Variants in SNAP91 observed in about 807,000 individuals in gnomAD.
The protein encoded by SNAP91 is clathrin coat assembly protein AP180.
A neutral mutation model predicts 100.3 loss-of-function variants in SNAP91; 27 were observed. The ratio of observed to expected loss-of-function variants is 0.27; its 90% confidence interval spans 0.20 to 0.37. The LOEUF (loss-of-function observed/expected upper bound fraction) is 0.37, where lower values mean the gene tolerates loss of function less well. SNAP91 is among the 10% of genes least tolerant of loss of function. The pLI, the probability that SNAP91 is intolerant of heterozygous loss-of-function variation, is 1.00. For missense variants in SNAP91, 986 were observed against 1,123.7 expected, an observed-to-expected ratio of 0.88 and a Z score of 1.75; for synonymous variants, 404 against 398.6, an observed-to-expected ratio of 1.01 and a Z score of -0.16.
chr6:83,578,169 A>C (rs1054656450), intron 24 of SNAP91, among the ~76,000 whole-genome samples: 1 of 152,138 alleles, frequency 6.6e-6, no homozygotes, highest in Non-Finnish European at 1.5e-5. Flanking sequence ...GAATAACAAT[A>C]CTATAAACAT....
rs1315959120 is a variant in SNAP91, at chr6:83,699,342, T to TTC, written c.130+8455_130+8456insGA. 2.0e-5 allele frequency among the ~76,000 whole-genome samples: 3 copies of TTC among 151,852 alleles called. No homozygotes were observed. The East Asian group carries it at 5.8e-4, about 29-fold the overall frequency. On this transcript the variant is annotated intron_variant, in intron 2 of 29. Transcript: ENST00000369694. ...AAAAATGTTAGCAAGAAACATACAT[T>TTC]ATCCAGAAAATGGGCAAATTTGAAA...
chr6:83,643,893 A>T (rs1487352249), intron 7 of SNAP91, among the ~76,000 whole-genome samples: 1 of 152,144 alleles, frequency 6.6e-6, no homozygotes. Context: ...AAAATGACCA[A>T]ATCTAAGGAT....
chr6:83,584,024 C>T (rs189127571), intron 22 of SNAP91, among the ~76,000 whole-genome samples: 3 of 152,238 alleles, frequency 2.0e-5, no homozygotes, highest in South Asian at 2.1e-4. Context: ...CTGAAGAAGA[C>T]GTTCTCTAAA....
intron 7 of SNAP91, among the ~76,000 whole-genome samples, chr6:83,642,910 T>C (rs1018716067): frequency 6.6e-6 from 1 of 152,224 alleles, no homozygotes; most frequent in Non-Finnish European, 1.5e-5. Context: ...TATCTCATTG[T>C]GGTTTTGATT....
intron 14 of SNAP91, 27 bp downstream of exon 14, chr6:83,605,658 A>G: frequency 1.3e-6 from 2 of 1,550,388 alleles, no homozygotes; most frequent in East Asian, 2.4e-5. Context: ...GAATAGAGAA[A>G]TGGCAAGGTT....
intron 5 of SNAP91, 102 bp downstream of exon 5, chr6:83,661,400 C>T (rs769242325): frequency 4.8e-6 from 3 of 628,272 alleles, no homozygotes; most frequent in South Asian, 2.7e-5. Context: ...GTAAACTGGG[C>T]CTTCAAGAAA....
chr6:83,556,837 T>C (rs188534145), intron 28 of SNAP91, among the ~76,000 whole-genome samples: 16 of 152,324 alleles, frequency 1.1e-4, no homozygotes, highest in African/African-American at 3.8e-4. Flanking sequence ...CTTACACTTA[T>C]TAGCTAAATA....
intron 28 of SNAP91, among the ~76,000 whole-genome samples, chr6:83,557,987 T>C (rs1331975619): frequency 6.6e-6 from 1 of 151,926 alleles, no homozygotes; most frequent in Admixed American, 6.6e-5. Context: ...TACATAAATA[T>C]GGTGTATCAT....
chr6:83,671,869 C>T (rs2098792376), intron 2 of SNAP91, among the ~76,000 whole-genome samples: 1 of 151,866 alleles, frequency 6.6e-6, no homozygotes. Flanking sequence ...TATGACAGGG[C>T]CCTTGTTATC....
At chr6:83,570,554 G>C (rs574994660) in intron 26 of SNAP91, among the ~76,000 whole-genome samples, 3 of 125,210 alleles carry the variant, frequency 2.4e-5, no homozygotes, top group African/African-American at 9.7e-5. Context: ...TTTACGGGGT[G>C]GCGGGGGGGG....
intron 12 of SNAP91, 40 bp downstream of exon 12, chr6:83,610,610 A>C: frequency 1.6e-6 from 1 of 610,292 alleles, no homozygotes; most frequent in South Asian, 2.1e-5. Context: ...AATGGTAAAA[A>C]ACAAAAAACA....
At chr6:83,649,986 G>A (rs190385927) in intron 7 of SNAP91, among the ~76,000 whole-genome samples, 259 of 151,952 alleles carry the variant, frequency 1.7e-3, no homozygotes, top group African/African-American at 5.4e-3. Context: ...TTTCCCATGT[G>A]GATATCCAGT....
rs114287939 is a variant in SNAP91 at position 83,621,161 on chromosome 6, T to C, written c.807+2140A>G. 3.1e-3 allele frequency among the ~76,000 whole-genome samples: 465 copies of C among 152,250 alleles called. 2 individuals are homozygous for C. The highest frequency in any genetic ancestry group is 0.011 in the African/African-American group (437 of 41,550). On this transcript the variant is annotated intron_variant, in intron 9 of 29. Coordinates refer to ENST00000369694, the MANE Select transcript of SNAP91 (RefSeq NM_001242792.2). ...TCGGTGTTTGTTGTTCACTTCTGTG[T>C]GTCATATATACTCAATGTTTAGCTC...
intron 22 of SNAP91, among the ~76,000 whole-genome samples, chr6:83,590,652 C>T (rs2324447): frequency 0.37 from 55,540 of 151,892 alleles, 11,091 homozygotes; most frequent in South Asian, 0.5. Flanking sequence ...TCATATATTA[C>T]GAAATCTATT....
intron 8 of SNAP91, among the ~76,000 whole-genome samples, chr6:83,628,586 C>T (rs932980010): frequency 4.6e-5 from 7 of 151,788 alleles, no homozygotes; most frequent in African/African-American, 1.5e-4. Context: ...GGTGGTATCG[C>T]ATTGCAGTTT....
intron 26 of SNAP91, among the ~76,000 whole-genome samples, chr6:83,563,132 G>A (rs1354584485): frequency 6.6e-6 from 1 of 152,124 alleles, no homozygotes; most frequent in Non-Finnish European, 1.5e-5. Context: ...AGACATCTTA[G>A]ACATGAGGCT....
rs1245360913 is a variant in SNAP91, at chr6:83,553,893, T to C, written c.*403A>G. On this transcript the variant is annotated 3_prime_UTR_variant, in exon 30 of 30. Coordinates refer to ENST00000369694, the MANE Select transcript of SNAP91 (RefSeq NM_001242792.2). ...GAGATACAGAAGAAAAGATAATTTA[T>C]GGGAAGAGTTTGGGGTTTGTTCAAA... is the stretch of plus-strand genomic sequence containing the variant. 6.6e-6 allele frequency: 1 copy of C among 152,198 alleles called. No homozygotes were observed. Among genetic ancestry groups the C allele is most frequent in the Non-Finnish European group, 1.5e-5 (1 of 68,034 alleles). The allele number at this position is 152,198 out of a possible 1,614,324, so 9.4% of individuals were successfully genotyped here. A position where few individuals can be genotyped will look rare whatever the true frequency, so the allele number is the denominator to read the frequency against.
At chr6:83,575,554 GC>G (rs1401422778) in intron 25 of SNAP91, 2 of 232,058 alleles carry the variant, frequency 8.6e-6, no homozygotes, top group Non-Finnish European at 1.6e-5. Flanking sequence ...ACTGCAACCT[GC>G]CTTACAGTGA....
chr6:83,608,116 T>G (rs942988083), intron 12 of SNAP91, among the ~76,000 whole-genome samples: 1 of 152,142 alleles, frequency 6.6e-6, no homozygotes, highest in South Asian at 2.1e-4. Flanking sequence ...ATAAAATTAT[T>G]AGGAAAGATC....
Sources: allele counts gnomAD v4.1 joint callset (sites outside exome capture counted in the v4.1 genomes callset), GRCh38; gene constraint gnomAD v4.1.1; transcripts MANE v1.5; gene names NCBI Gene and HGNC (gene_info 2026-07-23, HGNC 2026-07-21).